ARSF: variants seen among roughly 807,000 people sequenced by gnomAD.
ARSF encodes the protein arylsulfatase F.
ARSF carries 33 observed loss-of-function variants against 35.4 expected under a neutral mutation model. That is an observed-to-expected ratio of 0.93 (90% confidence interval 0.71 to 1.25). The LOEUF (loss-of-function observed/expected upper bound fraction) is 1.25. Ranked by LOEUF, ARSF falls within the 50% of genes most tolerant of loss-of-function variation. ARSF has a pLI of 0.00. For missense variants in ARSF, 501 were observed against 480.2 expected, an observed-to-expected ratio of 1.04 and a Z score of -0.40; for synonymous variants, 222 against 193.1, an observed-to-expected ratio of 1.15 and a Z score of -1.24.
At chrX:3,062,207 G>C (rs1254819667) in intron 1 of ARSF, among the ~76,000 whole-genome samples, 1 of 112,163 alleles carries the variant, frequency 8.9e-6, no homozygotes, top group East Asian at 2.8e-4. Flanking sequence ...TGACTACTGG[G>C]TAAATAACGA....
intron 1 of ARSF, among the ~76,000 whole-genome samples, chrX:3,045,268 G>A (rs1454370098): frequency 2.7e-5 from 3 of 111,605 alleles, no homozygotes; most frequent in Non-Finnish European, 5.6e-5. Flanking sequence ...TTGTCTCATG[G>A]CCACAGAAAT....
intron 1 of ARSF, among the ~76,000 whole-genome samples, chrX:3,053,009 C>T (rs1156277952): frequency 7.2e-5 from 8 of 111,219 alleles, no homozygotes; most frequent in East Asian, 2.8e-4. Context: ...AGGAAGTGAA[C>T]AGGCTGCAAA....
chrX:3,080,125 G>T (rs774320510), intron 4 of ARSF, among the ~76,000 whole-genome samples: 2 of 110,392 alleles, frequency 1.8e-5, no homozygotes, highest in African/African-American at 6.6e-5. Context: ...GAATAAAATC[G>T]CACGTATCAA....
intron 4 of ARSF, among the ~76,000 whole-genome samples, chrX:3,078,886 ACATTTC>A (rs1189003368): frequency 9.0e-6 from 1 of 111,268 alleles, no homozygotes; most frequent in Non-Finnish European, 1.9e-5. Context: ...GAATTCTAGA[ACATTTC>A]CATCACCCAC....
chrX:3,099,831 G>A (rs1014442085), intron 7 of ARSF, among the ~76,000 whole-genome samples: 10 of 111,787 alleles, frequency 8.9e-5, no homozygotes, highest in African/African-American at 2.6e-4. Context: ...TAAAAGTATT[G>A]TGGTAAATTT....
intron 3 of ARSF, among the ~76,000 whole-genome samples, chrX:3,075,895 C>G (rs938979275): frequency 2.1e-5 from 1 of 48,286 alleles, no homozygotes; most frequent in African/African-American, 7.3e-5. Context: ...CTCCATCTCT[C>G]TCTCTGTATC....
At chrX:3,081,113 A>G in intron 5 of ARSF, 100 bp downstream of exon 5, 1 of 1,061,144 alleles carries the variant, frequency 9.4e-7, no homozygotes, top group South Asian at 2.4e-5. Context: ...GTATTTTACA[A>G]TGTCTTATGT....
At chrX:3,089,737 T>C in intron 7 of ARSF, 105 bp downstream of exon 7, 1 of 891,509 alleles carries the variant, frequency 1.1e-6, no homozygotes, top group Non-Finnish European at 1.6e-6. Context: ...ATTATGCCTA[T>C]GGGACAGAGT....
chrX:3,068,577 G>A (rs908996250), intron 2 of ARSF, among the ~76,000 whole-genome samples: 4 of 109,970 alleles, frequency 3.6e-5, no homozygotes, highest in Admixed American at 9.8e-5. Flanking sequence ...TTATCGCCAC[G>A]CCCAGCTAAT....
chrX:3,067,982 T>C, intron 1 of ARSF, 91 bp from the exon 2 acceptor site: 1 of 662,774 alleles, frequency 1.5e-6, no homozygotes, highest in Non-Finnish European at 2.2e-6. Flanking sequence ...AGTGTGAATT[T>C]CATGCTGGGA....
At chrX:3,070,219 C>A (rs1435231800) in intron 2 of ARSF, among the ~76,000 whole-genome samples, 4 of 111,511 alleles carry the variant, frequency 3.6e-5, no homozygotes, top group African/African-American at 1.3e-4. Flanking sequence ...TTGTAAATGA[C>A]AGAATTTCAT....
In ARSF at chrX:3,092,976, T is replaced by C. The variant is rs972075206; in HGVS notation, c.967+3344T>C. Among the ~76,000 whole-genome samples the C allele has an allele frequency of 3.6e-5, 4 of 111,572 alleles. No individual in the cohort carries two copies. The Admixed American group carries it at 3.8e-4, about 11-fold the overall frequency. On this transcript the variant is annotated intron_variant, in intron 7 of 10. Coordinates refer to ENST00000381127, the MANE Select transcript of ARSF (RefSeq NM_001201539.2). The stretch of plus-strand genomic sequence containing the variant: ...TAACGAGTTCAGGCAATCAAAACCA[T>C]CCTGGTTAACACTGTGAAACCCCGT...
intron 3 of ARSF, among the ~76,000 whole-genome samples, 176 bp from the exon 4 acceptor site, chrX:3,076,372 C>A (rs1477237941): frequency 9.2e-6 from 1 of 109,015 alleles, no homozygotes; most frequent in South Asian, 4.0e-4. Context: ...TTCTGTCTGT[C>A]TCTCTCTCTG....
chrX:3,089,170 G>A (rs1335243160), intron 6 of ARSF, among the ~76,000 whole-genome samples: 4 of 112,196 alleles, frequency 3.6e-5, no homozygotes, highest in African/African-American at 1.3e-4. Flanking sequence ...ATACATAGAT[G>A]AGAGGGCAAG....
intron 1 of ARSF, among the ~76,000 whole-genome samples, chrX:3,067,158 G>A (rs1045536529): frequency 1.9e-5 from 2 of 107,495 alleles, no homozygotes; most frequent in Admixed American, 1.0e-4. Context: ...GTGAGTGTGC[G>A]TGCGTGTGTG....
intron 1 of ARSF, among the ~76,000 whole-genome samples, chrX:3,054,972 G>A (rs1291085839): frequency 1.9e-5 from 2 of 107,638 alleles, no homozygotes; most frequent in African/African-American, 6.8e-5. Flanking sequence ...GACCTCAGGC[G>A]ATCTACCCAC....
chrX:3,112,594 C>A lies in ARSF; in HGVS notation c.*38C>A, dbSNP rs745826860. 92 of 1,149,807 alleles carry A rather than the reference C, an allele frequency of 8.0e-5. 1 individual carries two copies. The East Asian group carries it at 2.7e-3, about 34-fold the overall frequency. 94.8% of individuals were successfully genotyped at this position (1,149,807 alleles called of 1,213,427 possible). A position where few individuals can be genotyped will look rare whatever the true frequency, so the allele number is the denominator to read the frequency against. ...TACCAGAGGAAGCCTTTGGTCCTAA[C>A]GAGAAGAGATAATTACAATCAGGCT... On this transcript the variant is annotated 3_prime_UTR_variant, in exon 11 of 11. Coordinates refer to ENST00000381127, the MANE Select transcript of ARSF (RefSeq NM_001201539.2).
At chrX:3,107,873 A>G (rs2090420905) in intron 9 of ARSF, among the ~76,000 whole-genome samples, 1 of 111,437 alleles carries the variant, frequency 9.0e-6, no homozygotes, top group Admixed American at 9.6e-5. Context: ...TTGTGATAAA[A>G]CTTAAAAAAA....
chrX:3,065,982 C>T (rs548230927), intron 1 of ARSF, among the ~76,000 whole-genome samples: 4 of 110,936 alleles, frequency 3.6e-5, no homozygotes, highest in Admixed American at 2.9e-4. Context: ...CCCAGCTATT[C>T]GGGAGGCTGA....
Sources: allele counts gnomAD v4.1 joint callset (sites outside exome capture counted in the v4.1 genomes callset), GRCh38; gene constraint gnomAD v4.1.1; transcripts MANE v1.5; gene names NCBI Gene and HGNC (gene_info 2026-07-23, HGNC 2026-07-21).